Variants in RNF146 observed in about 807,000 individuals in gnomAD.
RNF146 encodes E3 ubiquitin-protein ligase RNF146.
RNF146 carries 11 observed loss-of-function variants against 29.7 expected under a neutral mutation model. That is an observed-to-expected ratio of 0.37 (90% CI 0.23 to 0.61). The LOEUF is 0.61. Among genes scored for constraint, RNF146 ranks in the 20% least tolerant of loss-of-function variants. RNF146 has a pLI of 0.66. For synonymous variants in RNF146, 150 were observed against 159.7 expected (o/e 0.94, Z 0.46); for missense variants, 342 against 438.9 (o/e 0.78, Z 1.97).
At chr6:127,275,800 A>G (rs1480174115) in intron 1 of RNF146, among the ~76,000 whole-genome samples, 4 of 152,144 alleles carry the variant, frequency 2.6e-5, no homozygotes, top group South Asian at 4.1e-4. Flanking sequence ...GAGGAAATAC[A>G]GAGCTACAAA....
At chr6:127,276,041 C>T (rs1778161607) in intron 1 of RNF146, among the ~76,000 whole-genome samples, 1 of 151,994 alleles carries the variant, frequency 6.6e-6, no homozygotes, top group African/African-American at 2.4e-5. Context: ...TCAGTCAGTC[C>T]TAGCTACTTG....
Position 127,287,375 on chromosome 6 carries a change from A to T in RNF146, c.762A>T (p.Gly254=), listed in dbSNP as rs1007242553. ...EDSFAHLQLS[G]DNTAERSHRG... The stretch of plus-strand genomic sequence containing the variant: ...CTTTTGCTCATTTACAACTCAGTGG[A>T]GACAACACAGCTGAAAGGAGTCATA... Residue 254 remains glycine, a synonymous_variant, in exon 3 of 3, where the codon GGA becomes GGT. Transcript: ENST00000368314. 10 of 1,613,374 alleles carry T rather than the reference A, an allele frequency of 6.2e-6. No individual in the cohort carries two copies. The African/African-American group carries it at 1.3e-4, about 22-fold the overall frequency.
intron 1 of RNF146, among the ~76,000 whole-genome samples, chr6:127,270,329 T>C (rs1336351346): frequency 6.6e-6 from 1 of 152,202 alleles, no homozygotes. Context: ...TTTAGACTTT[T>C]TCTTTTTTTT....
intron 2 of RNF146, chr6:127,285,204 C>G: frequency 1.0e-6 from 1 of 984,712 alleles, no homozygotes; most frequent in Non-Finnish European, 1.2e-6. Context: ...GCTTCCTTTA[C>G]TAGAAAATTG....
At chr6:127,275,886 G>T (rs918167175) in intron 1 of RNF146, among the ~76,000 whole-genome samples, 1 of 152,034 alleles carries the variant, frequency 6.6e-6, no homozygotes, top group Non-Finnish European at 1.5e-5. Context: ...AGATAAAAAA[G>T]ACTAGAGACT....
chr6:127,279,670 C>T (rs1582885233), intron 1 of RNF146, among the ~76,000 whole-genome samples: 1 of 151,876 alleles, frequency 6.6e-6, no homozygotes, highest in East Asian at 1.9e-4. Flanking sequence ...ATCTGTAGAT[C>T]ACTTTGGGTA....
rs1474336590 is a variant in RNF146, at chr6:127,286,714, T to A, written c.101T>A (p.Val34Asp). 1.2e-6 allele frequency: 2 copies of A among 1,613,440 alleles called. No homozygotes were observed. The change falls in exon 3 of 3, where the codon GTC (valine) becomes GAC (aspartate). Residue 34 changes from valine to aspartate, a missense_variant. Transcript: ENST00000368314. The surrounding 1 kb of genome is among the most constrained non-coding windows in gnomAD (Gnocchi z 4.6). Reference sequence around the variant, plus strand: ...TCTAATACTGCACCTTCTTTAACCGTCCCTGAATGTGCCATTTGTCTGCAA... The same window carrying A: ...TCTAATACTGCACCTTCTTTAACCGACCCTGAATGTGCCATTTGTCTGCAA... ...SCSNTAPSLT[V>D]PECAICLQTC...
chr6:127,276,535 C>T (rs1778235616), intron 1 of RNF146, among the ~76,000 whole-genome samples: 1 of 151,694 alleles, frequency 6.6e-6, no homozygotes, highest in Non-Finnish European at 1.5e-5. Flanking sequence ...ATGAGGGGGC[C>T]AAGGGTTCTG....
rs1484476887 is a variant in RNF146 at position 127,287,354 on chromosome 6, T to C, written c.741T>C (p.Phe247=). The change falls in exon 3 of 3, where the codon TTT becomes TTC. Residue 247 remains phenylalanine (F), a synonymous_variant. Coordinates refer to ENST00000368314, the MANE Select transcript of RNF146 (RefSeq NM_001242850.2). ...CAAGCACTTCTCTGGAAGACTCTTT[T>C]GCTCATTTACAACTCAGTGGAGACA... ...PDASTSLEDS[F]AHLQLSGDNT... 1 of 1,613,526 alleles carries C rather than the reference T, an allele frequency of 6.2e-7. No homozygotes were observed. The highest frequency in any genetic ancestry group is 8.5e-7 in the Non-Finnish European group (1 of 1,179,670).
At chr6:127,267,729 AAG>A (rs1776863807) in intron 1 of RNF146, among the ~76,000 whole-genome samples, 1 of 152,160 alleles carries the variant, frequency 6.6e-6, no homozygotes, top group Non-Finnish European at 1.5e-5. Context: ...CGGAACAATT[AAG>A]AGATCTCAGA....
Position 127,288,454 on chromosome 6 carries a change from T to C in RNF146, c.*761T>C, listed in dbSNP as rs1382208768. On this transcript the variant is annotated 3_prime_UTR_variant, in exon 3 of 3. Transcript: ENST00000368314. ...CTTAAAAAGTGGTGGTTTTAATTGG[T>C]TGTTTTCAGCTTAATCACCTGCTCA... The C allele has an allele frequency of 1.2e-5, 2 of 166,966 alleles. No homozygotes were observed. The highest frequency in any genetic ancestry group is 6.6e-5 in the Admixed American group (1 of 15,250). The allele number at this position is 166,966 out of a possible 1,614,324, so 10.3% of individuals were successfully genotyped here. A position where few individuals can be genotyped will look rare whatever the true frequency, so the allele number is the denominator to read the frequency against.
In RNF146 at chr6:127,286,569, T is replaced by C. The variant is rs757494860; in HGVS notation, c.3-47T>C. Reference sequence around the variant, plus strand: ...TTTCATAATTGTTAAATTAAGATATTGCAAGAATTAAAACATGACTTTAAT... The same window carrying C: ...TTTCATAATTGTTAAATTAAGATATCGCAAGAATTAAAACATGACTTTAAT... On this transcript the variant is annotated intron_variant, in intron 2 of 2. Transcript: ENST00000368314. This position sits in a 1 kb window ranked among gnomAD's most constrained non-coding sequence, Gnocchi z 4.6. The C allele has an allele frequency of 1.3e-6, 2 of 1,495,034 alleles. No individual in the cohort carries two copies. The highest frequency in any genetic ancestry group is 4.7e-5 in the East Asian group (2 of 42,776). The allele number at this position is 1,495,034 out of a possible 1,614,324, so 92.6% of individuals were successfully genotyped here.
In RNF146 at chr6:127,287,350, C is replaced by T; in HGVS notation, c.737C>T (p.Ser246Phe). 6.2e-7 allele frequency: 1 copy of T among 1,613,452 alleles called. No individual in the cohort carries two copies. The highest frequency in any genetic ancestry group is 1.1e-5 in the South Asian group (1 of 91,076). ...GATGCAAGCACTTCTCTGGAAGACT[C>T]TTTTGCTCATTTACAACTCAGTGGA... is the stretch of plus-strand genomic sequence containing the variant. Reference protein sequence around the residue: ...SPDASTSLEDSFAHLQLSGDN... With the variant: ...SPDASTSLEDFFAHLQLSGDN... Residue 246 changes from serine to phenylalanine, a missense_variant, in exon 3 of 3, where the codon TCT (serine) becomes TTT (phenylalanine). By Grantham distance (155) the Ser-to-Phe change is radical. Coordinates refer to ENST00000368314, the MANE Select transcript of RNF146 (RefSeq NM_001242850.2).
At chr6:127,268,852 C>A (rs1219493618) in intron 1 of RNF146, among the ~76,000 whole-genome samples, 3 of 148,276 alleles carry the variant, frequency 2.0e-5, no homozygotes, top group Non-Finnish European at 3.0e-5. Context: ...AAGGAACAGA[C>A]TTTTTTTTTT....
At chr6:127,268,320 T>G (rs1776959955) in intron 1 of RNF146, among the ~76,000 whole-genome samples, 1 of 152,238 alleles carries the variant, frequency 6.6e-6, no homozygotes, top group South Asian at 2.1e-4. Context: ...AGTGAATCTA[T>G]ATTTAGACTT....
chr6:127,276,303 A>G (rs1662470846), intron 1 of RNF146, among the ~76,000 whole-genome samples: 6 of 152,206 alleles, frequency 3.9e-5, no homozygotes, highest in Admixed American at 2.6e-4. Flanking sequence ...AGCAATGGGT[A>G]GAGAGTACAG....
chr6:127,279,777 T>G (rs963528458), intron 1 of RNF146, among the ~76,000 whole-genome samples: 5 of 151,906 alleles, frequency 3.3e-5, no homozygotes, highest in Admixed American at 2.0e-4. Context: ...CTTTATAGTT[T>G]TCTGTGTACA....
At chr6:127,267,724 C>G (rs1011275042) in intron 1 of RNF146, among the ~76,000 whole-genome samples, 2 of 152,138 alleles carry the variant, frequency 1.3e-5, no homozygotes, top group Non-Finnish European at 2.9e-5. Flanking sequence ...AGCATCGGAA[C>G]AATTAAGAGA....
chr6:127,276,253 T>C (rs114360904), intron 1 of RNF146, among the ~76,000 whole-genome samples: 96 of 152,032 alleles, frequency 6.3e-4, no homozygotes, highest in African/African-American at 2.2e-3. Flanking sequence ...GGCTGAACAA[T>C]AGTCCAGGTG....
Sources: allele counts gnomAD v4.1 joint callset (sites outside exome capture counted in the v4.1 genomes callset), GRCh38; gene constraint gnomAD v4.1.1; non-coding constraint Gnocchi (gnomAD v3.1); transcripts MANE v1.5; gene names NCBI Gene and HGNC (gene_info 2026-07-23, HGNC 2026-07-21).